The following PLEKHA1 variants were observed in gnomAD, a reference collection of about 807,000 sequenced individuals.
The protein encoded by PLEKHA1 is pleckstrin homology domain containing A1.
A neutral mutation model predicts 52.0 loss-of-function variants in PLEKHA1; 34 were observed. The ratio of observed to expected loss-of-function variants is 0.65; its 90% CI spans 0.50 to 0.87. The LOEUF (loss-of-function observed/expected upper bound fraction) is 0.87. PLEKHA1 is among the 40% of genes least tolerant of loss of function. The pLI is 0.00. For missense variants in PLEKHA1, 497 were observed against 504.2 expected (o/e 0.99, Z 0.14); for synonymous variants, 163 against 170.7 (o/e 0.95, Z 0.35).
At chr10:122,432,513 G>A, downstream of PLEKHA1, 1 of 151,884 alleles carries the variant, frequency 6.6e-6, no homozygotes, top group Non-Finnish European at 1.5e-5. Flanking sequence ...AATTCTTAAT[G>A]CATCCCTGCA....
the PLEKHA1 span, chr10:122,439,299 A>ATGATAC: frequency 6.6e-6 from 1 of 152,002 alleles, no homozygotes; most frequent in Non-Finnish European, 1.5e-5. Flanking sequence ...ATAAATATAA[A>ATGATAC]TGATACTGGT....
At position 122,406,607 on chromosome 10, in the gene PLEKHA1, A is replaced by G. The variant is rs111798491; in HGVS notation, c.276A>G (p.Leu92=). The G allele has an allele frequency of 7.4e-6, 12 of 1,613,126 alleles. No individual in the cohort carries two copies. Among genetic ancestry groups the G allele is most frequent in the African/African-American group, 1.3e-5 (1 of 74,916 alleles). ...ATGCAGGAATGAGGAAGTACTTCCTACAAGCCAATGATCAGCAGGACCTAG... is the reference window on the plus strand; with the variant it reads ...ATGCAGGAATGAGGAAGTACTTCCTGCAAGCCAATGATCAGCAGGACCTAG... ...VMNAGMRKYF[L]QANDQQDLVE... The change falls in exon 5 of 12, where the codon CTA becomes CTG. Residue 92 remains leucine, a synonymous_variant. Transcript: ENST00000368990.
chr10:122,402,332 A>T (rs2096941082), intron 4 of PLEKHA1, among the ~76,000 whole-genome samples: 1 of 152,198 alleles, frequency 6.6e-6, no homozygotes, highest in African/African-American at 2.4e-5. Flanking sequence ...GCTTACCTTC[A>T]GAGAGAGAAG....
At chr10:122,394,627 A>G (rs1425020241) in intron 2 of PLEKHA1, among the ~76,000 whole-genome samples, 1 of 152,164 alleles carries the variant, frequency 6.6e-6, no homozygotes, top group African/African-American at 2.4e-5. Context: ...TCTTCACTAT[A>G]TACTGATTTT....
chr10:122,439,304 A>G, the PLEKHA1 span: 4 of 151,858 alleles, frequency 2.6e-5, no homozygotes, highest in African/African-American at 9.7e-5. Context: ...TATAAATGAT[A>G]CTGGTCTGCA....
At chr10:122,377,573 A>T (rs2096555066) in intron 1 of PLEKHA1, among the ~76,000 whole-genome samples, 1 of 152,162 alleles carries the variant, frequency 6.6e-6, no homozygotes, top group Non-Finnish European at 1.5e-5. Context: ...AAAACTTGGT[A>T]GCTTTAGATG....
intron 2 of PLEKHA1, among the ~76,000 whole-genome samples, chr10:122,394,032 C>A (rs1276749068): frequency 6.8e-6 from 1 of 147,674 alleles, no homozygotes; most frequent in Non-Finnish European, 1.5e-5. Context: ...GATTAGATAT[C>A]ATCTGTGAAG....
At chr10:122,407,074 C>T (rs780715212) in intron 5 of PLEKHA1, among the ~76,000 whole-genome samples, 2 of 152,002 alleles carry the variant, frequency 1.3e-5, no homozygotes, top group Non-Finnish European at 2.9e-5. Context: ...GGATTGGGGT[C>T]AGATAGGGAA....
intron 3 of PLEKHA1, among the ~76,000 whole-genome samples, chr10:122,398,300 GTTTA>G (rs1030302521): frequency 2.3e-4 from 32 of 136,468 alleles, no homozygotes; most frequent in African/African-American, 8.8e-4. Context: ...TCTGTATTAT[GTTTA>G]TTTAGACTGT....
chr10:122,408,350 T>C (rs1231749147), intron 5 of PLEKHA1, among the ~76,000 whole-genome samples: 1 of 152,176 alleles, frequency 6.6e-6, no homozygotes, highest in East Asian at 1.9e-4. Flanking sequence ...CAAATGACAC[T>C]GGTAAGCTTT....
At chr10:122,391,140 A>G (rs1232523717) in intron 1 of PLEKHA1, among the ~76,000 whole-genome samples, 3 of 151,898 alleles carry the variant, frequency 2.0e-5, no homozygotes, top group African/African-American at 2.4e-5. Context: ...AACTTGGACT[A>G]AAGTTTTTGA....
At position 122,424,225 on chromosome 10, in the gene PLEKHA1, A is replaced by G. The variant is rs758917797; in HGVS notation, c.708A>G (p.Pro236=). The part of the protein sequence containing the change: ...ELEKEPLRVI[P]LKEVHKVQEC... The stretch of plus-strand genomic sequence containing the variant: ...AAAAGGAACCTCTTCGTGTAATACC[A>G]CTTAAAGAGGTTCATAAAGTCCAGG... Residue 236 remains proline (P), a synonymous_variant, in exon 9 of 12, where the codon CCA becomes CCG. Transcript: ENST00000368990. 1 of 1,576,702 alleles carries G rather than the reference A, an allele frequency of 6.3e-7. No homozygotes were observed. The highest frequency in any genetic ancestry group is 2.0e-5 in the Admixed American group (1 of 50,000).
chr10:122,417,508 G>T (rs994078088), intron 7 of PLEKHA1, among the ~76,000 whole-genome samples: 1 of 151,758 alleles, frequency 6.6e-6, no homozygotes, highest in Non-Finnish European at 1.5e-5. Context: ...AATTAGCTGG[G>T]CATAGTGATG....
At chr10:122,439,153 C>T in the PLEKHA1 span, 6 of 152,064 alleles carry the variant, frequency 3.9e-5, no homozygotes, top group African/African-American at 7.2e-5. Context: ...ATTTTTATCC[C>T]TCTTTAATTT....
intron 1 of PLEKHA1, among the ~76,000 whole-genome samples, chr10:122,385,861 A>G (rs1180147649): frequency 2.0e-5 from 3 of 152,148 alleles, no homozygotes; most frequent in Non-Finnish European, 4.4e-5. Context: ...TGGATGCACC[A>G]CATTTTGTTT....
downstream of PLEKHA1, chr10:122,433,848 A>T (rs552384098): frequency 6.6e-6 from 1 of 152,320 alleles, no homozygotes; most frequent in African/African-American, 2.4e-5. Context: ...AAAGGAGAGC[A>T]TTTAGTATTT....
intron 1 of PLEKHA1, among the ~76,000 whole-genome samples, chr10:122,378,561 C>G (rs2096569528): frequency 6.6e-6 from 1 of 151,884 alleles, no homozygotes; most frequent in Non-Finnish European, 1.5e-5. Context: ...CATGACGAAA[C>G]CTTGTCTCTA....
intron 1 of PLEKHA1, chr10:122,375,017 C>T (rs906066640): frequency 1.3e-5 from 2 of 152,004 alleles, no homozygotes; most frequent in South Asian, 2.1e-4. Flanking sequence ...GCCACAGCAC[C>T]TGGAGGCCGC....
intron 11 of PLEKHA1, 111 bp from the exon 12 acceptor site, chr10:122,429,513 T>C: frequency 1.2e-6 from 1 of 861,268 alleles, no homozygotes; most frequent in Non-Finnish European, 1.8e-6. Context: ...TGTGTGTGTG[T>C]GTGTGTGTGT....
Sources: allele counts gnomAD v4.1 joint callset (sites outside exome capture counted in the v4.1 genomes callset), GRCh38; gene constraint gnomAD v4.1.1; transcripts MANE v1.5; gene names NCBI Gene and HGNC (gene_info 2026-07-23, HGNC 2026-07-21).